Variants in PRDM10 observed in about 807,000 individuals in gnomAD.
PRDM10 encodes the protein PR domain zinc finger protein 10.
A neutral mutation model predicts 133.1 loss-of-function variants in PRDM10; 65 were observed. The observed-to-expected ratio is 0.49, with a 90% CI of 0.40 to 0.60. The LOEUF (loss-of-function observed/expected upper bound fraction) is 0.60, where lower values mean the gene tolerates loss of function less well. PRDM10 is among the 20% of genes least tolerant of loss of function. The pLI is 0.00. For synonymous variants in PRDM10, 582 were observed against 580.4 expected (o/e 1.00, Z -0.04); for missense variants, 1,137 against 1,507.1 (o/e 0.75, Z 4.07).
intron 13 of PRDM10, among the ~76,000 whole-genome samples, chr11:129,919,152 C>G (rs1302633438): frequency 1.3e-5 from 2 of 152,132 alleles, no homozygotes; most frequent in African/African-American, 4.8e-5. Flanking sequence ...GGGCGGATCA[C>G]CTGAGGTCAG....
chr11:129,955,785 A>G (rs1951684811), intron 3 of PRDM10, among the ~76,000 whole-genome samples: 1 of 152,242 alleles, frequency 6.6e-6, no homozygotes, highest in African/African-American at 2.4e-5. Flanking sequence ...GTATAAGCTA[A>G]CCATCCCAAT....
intron 3 of PRDM10, among the ~76,000 whole-genome samples, chr11:129,956,166 G>A: frequency 6.6e-6 from 1 of 152,150 alleles, no homozygotes; most frequent in Non-Finnish European, 1.5e-5. Context: ...GTTGGCTCAT[G>A]ATGCAGCAAA....
Position 129,947,407 on chromosome 11 carries a change from G to A in PRDM10, c.295-37C>T. On this transcript the variant is annotated intron_variant, in intron 4 of 20. Coordinates refer to ENST00000360871, the MANE Select transcript of PRDM10 (RefSeq NM_199437.2). This position sits in a 1 kb window ranked among gnomAD's most constrained non-coding sequence, Gnocchi z 4.6. ...TTGAAGGCACAGAGTAAGCAGACAT[G>A]GACACCTGCTTTTGGTTCGCTGGTG... 2 of 1,609,460 alleles carry A rather than the reference G, an allele frequency of 1.2e-6. No individual in the cohort carries two copies. Among genetic ancestry groups the A allele is most frequent in the Non-Finnish European group, 1.7e-6 (2 of 1,176,080 alleles).
chr11:130,001,775 TG>T (rs1254725622), intron 1 of PRDM10, among the ~76,000 whole-genome samples: 1 of 151,848 alleles, frequency 6.6e-6, no homozygotes, highest in Non-Finnish European at 1.5e-5. Context: ...GCTGGAGAGG[TG>T]CACACCATCA....
chr11:129,996,750 A>G (rs1410453672), intron 1 of PRDM10, among the ~76,000 whole-genome samples: 1 of 152,234 alleles, frequency 6.6e-6, no homozygotes, highest in Non-Finnish European at 1.5e-5. Flanking sequence ...TGGGAAGACC[A>G]GTTTGACCGA....
At chr11:129,950,722 A>G (rs1349042516) in intron 4 of PRDM10, among the ~76,000 whole-genome samples, 1 of 152,222 alleles carries the variant, frequency 6.6e-6, no homozygotes, top group Non-Finnish European at 1.5e-5. Flanking sequence ...CACATACTGA[A>G]CAAACCAAAG....
chr11:129,932,868 C>T (rs1445241213), intron 9 of PRDM10, among the ~76,000 whole-genome samples: 5 of 152,062 alleles, frequency 3.3e-5, no homozygotes, highest in African/African-American at 4.8e-5. Context: ...TGGGCTCAAG[C>T]GATCCTCCCA....
At chr11:129,930,325 T>C (rs1950813518) in intron 11 of PRDM10, among the ~76,000 whole-genome samples, 2 of 152,226 alleles carry the variant, frequency 1.3e-5, no homozygotes, top group East Asian at 1.9e-4. Context: ...CAAAGCCATA[T>C]TGTTTTCCAC....
rs1173576945 is a variant in PRDM10, at chr11:129,988,850, C to G, written c.-119+13872G>C. ...TTCACCGTGTTAGCCAGGATGGTCT[C>G]GATCTCCTGACCTCGTGATCCGCCC... On this transcript the variant is annotated intron_variant, in intron 1 of 20. Transcript: ENST00000360871. 3.3e-5 allele frequency among the ~76,000 whole-genome samples: 5 copies of G among 151,788 alleles called. No individual in the cohort carries two copies. The East Asian group carries it at 7.9e-4, about 24-fold the overall frequency.
chr11:129,956,904 T>G (rs1951706660), intron 3 of PRDM10, among the ~76,000 whole-genome samples: 1 of 152,230 alleles, frequency 6.6e-6, no homozygotes, highest in Non-Finnish European at 1.5e-5. Context: ...TTATACATTG[T>G]AAAGTGCTAA....
At chr11:129,991,876 G>T (rs935485049) in intron 1 of PRDM10, among the ~76,000 whole-genome samples, 1 of 149,714 alleles carries the variant, frequency 6.7e-6, no homozygotes, top group Non-Finnish European at 1.5e-5. Context: ...CCAGCTACTC[G>T]GGGAGCTGAG....
chr11:129,939,443 T>A (rs184506691), intron 7 of PRDM10, among the ~76,000 whole-genome samples: 289 of 152,378 alleles, frequency 1.9e-3, no homozygotes, highest in Non-Finnish European at 3.2e-3. Flanking sequence ...ATTATCATTT[T>A]ACTATTATAA....
chr11:129,992,575 G>A (rs929674460), intron 1 of PRDM10, among the ~76,000 whole-genome samples: 2 of 152,154 alleles, frequency 1.3e-5, no homozygotes, highest in Admixed American at 6.5e-5. Flanking sequence ...ACCAGATGAC[G>A]CAATCACCAG....
chr11:129,924,733 T>C, intron 12 of PRDM10, 149 bp downstream of exon 12: 2 of 674,970 alleles, frequency 3.0e-6, no homozygotes, highest in Non-Finnish European at 5.0e-6. Flanking sequence ...ATAAAAGTAG[T>C]TTGATTGAAG....
intron 13 of PRDM10, among the ~76,000 whole-genome samples, chr11:129,921,619 T>G (rs1055523846): frequency 6.6e-6 from 1 of 152,236 alleles, no homozygotes; most frequent in Non-Finnish European, 1.5e-5. Flanking sequence ...TTTGAAAATA[T>G]GCCAGGAAGG....
chr11:129,917,008 G>A, intron 15 of PRDM10, 119 bp downstream of exon 15: 2 of 640,710 alleles, frequency 3.1e-6, no homozygotes, highest in Non-Finnish European at 5.1e-6. Context: ...ACTACTGAGA[G>A]ACAGGTAACC....
rs543746516 is a variant in PRDM10, at chr11:129,918,087, C to T, written c.2214+452G>A. Reference sequence around the variant, plus strand: ...GGGAGGTTGCAGTGAGCTGAGATCACGCCATTTCACTCCAGCCTGGGCAAC... The same window carrying T: ...GGGAGGTTGCAGTGAGCTGAGATCATGCCATTTCACTCCAGCCTGGGCAAC... On this transcript the variant is annotated intron_variant, in intron 14 of 20. Transcript: ENST00000360871. This position sits in a 1 kb window ranked among gnomAD's most constrained non-coding sequence, Gnocchi z 5.3. 6.1e-4 allele frequency among the ~76,000 whole-genome samples: 92 copies of T among 152,064 alleles called. No individual in the cohort carries two copies. Among genetic ancestry groups the T allele is most frequent in the African/African-American group, 2.1e-3 (87 of 41,478 alleles).
intron 1 of PRDM10, among the ~76,000 whole-genome samples, chr11:129,966,949 A>G (rs939134883): frequency 9.2e-5 from 14 of 152,206 alleles, no homozygotes; most frequent in African/African-American, 3.4e-4. Flanking sequence ...AGACTCTTGG[A>G]GAAATTTTAG....
chr11:129,927,176 C>CAAAAAAAA (rs57015735), intron 11 of PRDM10, among the ~76,000 whole-genome samples: 11 of 79,372 alleles, frequency 1.4e-4, no homozygotes, highest in African/African-American at 2.2e-4. Context: ...GACTCTGTCT[C>CAAAAAAAA]AAAAAAAAAA....
Sources: allele counts gnomAD v4.1 joint callset (sites outside exome capture counted in the v4.1 genomes callset), GRCh38; gene constraint gnomAD v4.1.1; non-coding constraint Gnocchi (gnomAD v3.1); transcripts MANE v1.5; gene names NCBI Gene and HGNC (gene_info 2026-07-23, HGNC 2026-07-21).